The following MGMT variants were observed in gnomAD, a reference collection of about 807,000 sequenced individuals.
MGMT encodes methylated-DNA--protein-cysteine methyltransferase.
MGMT carries 14 observed loss-of-function variants against 15.9 expected under a neutral mutation model. That is an observed-to-expected ratio of 0.88 (90% confidence interval 0.58 to 1.37). MGMT has a LOEUF of 1.37. Ranked by LOEUF, MGMT falls within the 40% of genes most tolerant of loss-of-function variation. The pLI, the probability that MGMT is intolerant of heterozygous loss-of-function variation, is 0.00. For missense variants in MGMT, 282 were observed against 268.1 expected (o/e 1.05, Z -0.36); for synonymous variants, 130 against 118.2 (o/e 1.10, Z -0.65).
At chr10:129,587,272 A>G (rs1352190132) in intron 2 of MGMT, among the ~76,000 whole-genome samples, 2 of 150,262 alleles carry the variant, frequency 1.3e-5, no homozygotes, top group African/African-American at 2.5e-5. Flanking sequence ...AATTACATCT[A>G]TATTTGTCTG....
intron 2 of MGMT, among the ~76,000 whole-genome samples, chr10:129,559,961 G>T (rs1016281786): frequency 6.6e-6 from 1 of 152,178 alleles, no homozygotes; most frequent in Admixed American, 6.5e-5. Flanking sequence ...CGTGCTCCAA[G>T]ATTTACTGTG....
At chr10:129,760,378 G>A (rs1165776532) in intron 4 of MGMT, among the ~76,000 whole-genome samples, 1 of 152,194 alleles carries the variant, frequency 6.6e-6, no homozygotes, top group Non-Finnish European at 1.5e-5. Context: ...GTCTTCTCCC[G>A]AAAGCTCTGT....
chr10:129,522,834 C>A (rs906334291), intron 1 of MGMT, among the ~76,000 whole-genome samples: 4 of 152,174 alleles, frequency 2.6e-5, no homozygotes, highest in African/African-American at 9.7e-5. Context: ...AGAGAGCCCC[C>A]GGCACCTGCT....
rs150645127 is a variant in MGMT, at chr10:129,753,413, G to A, written c.275-5789G>A. On this transcript the variant is annotated intron_variant, in intron 3 of 4. Coordinates refer to ENST00000651593, the MANE Select transcript of MGMT (RefSeq NM_002412.5). ...CTATCGTTTATTTGAATTTTTTCCCGTACTACACTTTTTTTCCTCTTTTTC... is the reference window on the plus strand; with the variant it reads ...CTATCGTTTATTTGAATTTTTTCCCATACTACACTTTTTTTCCTCTTTTTC... Among the ~76,000 whole-genome samples the A allele has an allele frequency of 2.9e-3, 444 of 152,106 alleles. 4 individuals carry two copies. Among genetic ancestry groups the A allele is most frequent in the African/African-American group, 9.8e-3 (408 of 41,508 alleles).
intron 2 of MGMT, among the ~76,000 whole-genome samples, chr10:129,578,980 A>G (rs1241429896): frequency 6.6e-6 from 1 of 152,178 alleles, no homozygotes. Flanking sequence ...GCACTGCCTC[A>G]TTTAAGCCTG....
chr10:129,619,768 A>G (rs1247802519), intron 2 of MGMT, among the ~76,000 whole-genome samples: 1 of 152,174 alleles, frequency 6.6e-6, no homozygotes, highest in Non-Finnish European at 1.5e-5. Context: ...ATCTTCTCTT[A>G]TCCAGTTATC....
At chr10:129,667,785 G>A (rs1253897674) in intron 2 of MGMT, among the ~76,000 whole-genome samples, 1 of 152,192 alleles carries the variant, frequency 6.6e-6, no homozygotes, top group Admixed American at 6.5e-5. Flanking sequence ...AGCTTCTTCA[G>A]CCATTCTTGT....
chr10:129,527,566 G>A (rs774425014), intron 1 of MGMT, among the ~76,000 whole-genome samples: 35 of 152,150 alleles, frequency 2.3e-4, no homozygotes, highest in Non-Finnish European at 4.4e-4. Context: ...GTGCTTGGGT[G>A]TAGTAGGTGG....
chr10:129,501,322 C>T (rs566243940), intron 1 of MGMT, among the ~76,000 whole-genome samples: 150 of 152,256 alleles, frequency 9.9e-4, no homozygotes, highest in Non-Finnish European at 1.7e-3. Flanking sequence ...TATCTCTAGG[C>T]CAAAGGTTGG....
chr10:129,497,564 C>T (rs10741190), intron 1 of MGMT, among the ~76,000 whole-genome samples: 104,851 of 152,102 alleles, frequency 0.69, 37,276 homozygotes, highest in Middle Eastern at 0.79. Flanking sequence ...TGGTTTCTGC[C>T]AGCACTAACA....
intron 2 of MGMT, among the ~76,000 whole-genome samples, chr10:129,575,282 A>G (rs1369478144): frequency 1.3e-5 from 2 of 152,200 alleles, no homozygotes; most frequent in African/African-American, 4.8e-5. Context: ...ACATAGTTGG[A>G]AGTAAAGCAC....
At chr10:129,521,512 C>G (rs1354511953) in intron 1 of MGMT, among the ~76,000 whole-genome samples, 1 of 152,186 alleles carries the variant, frequency 6.6e-6, no homozygotes, top group Non-Finnish European at 1.5e-5. Flanking sequence ...GAGGGAACCT[C>G]TGGCAGTCTG....
At chr10:129,728,955 A>G (rs1434492102) in intron 3 of MGMT, among the ~76,000 whole-genome samples, 1 of 152,170 alleles carries the variant, frequency 6.6e-6, no homozygotes, top group Non-Finnish European at 1.5e-5. Flanking sequence ...TCTTTTCCCC[A>G]TGTCACGTGA....
intron 3 of MGMT, among the ~76,000 whole-genome samples, chr10:129,736,559 A>C (rs1308412565): frequency 6.7e-6 from 1 of 150,128 alleles, no homozygotes; most frequent in Non-Finnish European, 1.5e-5. Flanking sequence ...TAGTCCATTT[A>C]CATTTAAAGT....
In MGMT at chr10:129,489,025, G is replaced by A. The variant is rs145395585; in HGVS notation, c.-13+21729G>A. Among the ~76,000 whole-genome samples the A allele has an allele frequency of 5.3e-3, 807 of 152,044 alleles. 18 individuals are homozygous for A. Among genetic ancestry groups the A allele is most frequent in the Admixed American group, 0.042 (644 of 15,264 alleles). On this transcript the variant is annotated intron_variant, in intron 1 of 4. Coordinates refer to ENST00000651593, the MANE Select transcript of MGMT (RefSeq NM_002412.5). ...GATCTTTTTGTCTTTCTGTACTAAC[G>A]CCACAATGCATTAATTACTATAGCT...
rs191291814 is a variant in MGMT, at chr10:129,557,530, C to A, written c.125+21153C>A. On this transcript the variant is annotated intron_variant, in intron 2 of 4. Transcript: ENST00000651593. ...GATAATAACCTAGGACCTTAAAATA[C>A]ACACAAATGTACACACTAATGAATT... Among the ~76,000 whole-genome samples, 336 of 152,278 alleles carry A rather than the reference C, an allele frequency of 2.2e-3. 2 individuals carry two copies. The highest frequency in any genetic ancestry group is 7.7e-3 in the African/African-American group (320 of 41,548).
At chr10:129,596,756 C>T (rs1056463071) in intron 2 of MGMT, among the ~76,000 whole-genome samples, 9 of 152,210 alleles carry the variant, frequency 5.9e-5, no homozygotes, top group African/African-American at 1.9e-4. Context: ...ACAGCTAGGT[C>T]GTGCTTGCGT....
intron 2 of MGMT, among the ~76,000 whole-genome samples, chr10:129,645,206 G>A (rs1177065824): frequency 6.9e-6 from 1 of 144,526 alleles, no homozygotes. Flanking sequence ...TGCAACCTCC[G>A]CCTCCTGGGT....
chr10:129,647,846 G>T (rs1179829150), intron 2 of MGMT, among the ~76,000 whole-genome samples: 1 of 152,148 alleles, frequency 6.6e-6, no homozygotes, highest in Non-Finnish European at 1.5e-5. Context: ...ATTTCCCTCT[G>T]CAGTGTTTTA....
Sources: gnomAD v4.1 joint callset for allele counts (sites outside exome capture counted in the v4.1 genomes callset) on GRCh38, gnomAD v4.1.1 for gene constraint, MANE v1.5 for transcripts, NCBI Gene and HGNC (gene_info 2026-07-23, HGNC 2026-07-21) for gene names.